Variants in SGCZ observed in about 807,000 individuals in gnomAD.
SGCZ encodes the protein sarcoglycan zeta.
In SGCZ, 40 loss-of-function variants were observed where a neutral mutation model predicts 41.3. That is an observed-to-expected ratio of 0.97 (90% CI 0.75 to 1.26). SGCZ has a LOEUF of 1.26. Among genes scored for constraint, SGCZ ranks in the 50% most tolerant of loss-of-function variants. The pLI, the probability that SGCZ is intolerant of heterozygous loss-of-function variation, is 0.00. For synonymous variants in SGCZ, 206 were observed against 137.5 expected (o/e 1.50, Z -3.49); for missense variants, 552 against 369.8 (o/e 1.49, Z -4.04).
At chr8:14,927,140 G>A (rs1172875668) in intron 1 of SGCZ, among the ~76,000 whole-genome samples, 7 of 114,648 alleles carry the variant, frequency 6.1e-5, no homozygotes, top group Admixed American at 2.6e-4. Flanking sequence ...GCAGAGTCTC[G>A]CTCTGTCACC....
chr8:14,402,846 G>A (rs1410652425), intron 2 of SGCZ, among the ~76,000 whole-genome samples: 3 of 149,492 alleles, frequency 2.0e-5, no homozygotes, highest in African/African-American at 7.7e-5. Flanking sequence ...GTAGCTTGAT[G>A]GGGATGGCAT....
At chr8:15,153,667 C>T (rs1312188522) in intron 1 of SGCZ, among the ~76,000 whole-genome samples, 2 of 152,060 alleles carry the variant, frequency 1.3e-5, no homozygotes, top group Non-Finnish European at 2.9e-5. Context: ...TTTCCCCCCA[C>T]CCTCTCTCTC....
At chr8:14,235,682 G>A (rs1368602329) in intron 4 of SGCZ, among the ~76,000 whole-genome samples, 4 of 152,052 alleles carry the variant, frequency 2.6e-5, no homozygotes, top group African/African-American at 9.7e-5. Flanking sequence ...TATTCTTGGT[G>A]CACTTAATTT....
intron 1 of SGCZ, among the ~76,000 whole-genome samples, chr8:14,612,478 A>G (rs1395747652): frequency 2.0e-5 from 3 of 152,170 alleles, no homozygotes; most frequent in African/African-American, 7.2e-5. Flanking sequence ...TAACTTACCC[A>G]GACTCAGGGA....
intron 1 of SGCZ, among the ~76,000 whole-genome samples, chr8:15,087,552 C>G (rs879247788): frequency 6.6e-6 from 1 of 151,990 alleles, no homozygotes; most frequent in East Asian, 1.9e-4. Flanking sequence ...AAAGCATTTG[C>G]GGATAAAGTT....
intron 2 of SGCZ, among the ~76,000 whole-genome samples, chr8:14,516,712 C>T (rs1428809870): frequency 1.3e-5 from 2 of 151,972 alleles, no homozygotes; most frequent in African/African-American, 2.4e-5. Context: ...TCTTGTTCAC[C>T]GTTGACATGC....
intron 5 of SGCZ, among the ~76,000 whole-genome samples, chr8:14,147,896 G>C (rs746042233): frequency 1.3e-5 from 2 of 151,898 alleles, no homozygotes; most frequent in African/African-American, 4.8e-5. Flanking sequence ...TTAATAATAA[G>C]AGGAATTTTG....
chr8:14,515,463 C>T (rs1362934043), intron 2 of SGCZ, among the ~76,000 whole-genome samples: 1 of 152,040 alleles, frequency 6.6e-6, no homozygotes, highest in Non-Finnish European at 1.5e-5. Context: ...TCTAACATAA[C>T]ACTATATCTT....
chr8:14,873,599 T>A (rs1029956401), intron 1 of SGCZ, among the ~76,000 whole-genome samples: 6 of 152,110 alleles, frequency 3.9e-5, no homozygotes, highest in African/African-American at 1.4e-4. Context: ...TGTTCATGGA[T>A]GGACTTAACT....
chr8:14,666,359 T>C (rs1807910627), intron 1 of SGCZ, among the ~76,000 whole-genome samples: 1 of 152,178 alleles, frequency 6.6e-6, no homozygotes, highest in Non-Finnish European at 1.5e-5. Flanking sequence ...ACATGCAAGG[T>C]CTTTAAAAAT....
intron 2 of SGCZ, among the ~76,000 whole-genome samples, chr8:14,387,259 C>A (rs1197947859): frequency 6.6e-6 from 1 of 152,106 alleles, no homozygotes; most frequent in African/African-American, 2.4e-5. Context: ...GCTCTGTTGC[C>A]CAGACTGGCC....
intron 3 of SGCZ, among the ~76,000 whole-genome samples, chr8:14,246,245 C>T (rs1331210496): frequency 6.6e-6 from 1 of 152,142 alleles, no homozygotes; most frequent in African/African-American, 2.4e-5. Flanking sequence ...GGCACATAGA[C>T]ACCATGGAAT....
At chr8:15,227,672 G>A (rs1158247311) in intron 1 of SGCZ, among the ~76,000 whole-genome samples, 1 of 152,126 alleles carries the variant, frequency 6.6e-6, no homozygotes, top group Non-Finnish European at 1.5e-5. Context: ...TTCGTACTGT[G>A]ACACTGTTCG....
chr8:14,617,753 A>G (rs1434233931), intron 1 of SGCZ, among the ~76,000 whole-genome samples: 1 of 152,126 alleles, frequency 6.6e-6, no homozygotes. Flanking sequence ...ATGGAAATAA[A>G]GTAGGGTGGG....
chr8:14,211,780 C>A (rs891724956), intron 4 of SGCZ, among the ~76,000 whole-genome samples: 1 of 152,180 alleles, frequency 6.6e-6, no homozygotes, highest in African/African-American at 2.4e-5. Flanking sequence ...TCACCTCCCA[C>A]CAGGCCCCTT....
intron 1 of SGCZ, among the ~76,000 whole-genome samples, chr8:14,790,926 G>C (rs780385918): frequency 6.6e-6 from 1 of 151,732 alleles, no homozygotes; most frequent in Non-Finnish European, 1.5e-5. Context: ...ACCCACTCGA[G>C]TGGTTAAGGC....
intron 1 of SGCZ, among the ~76,000 whole-genome samples, chr8:14,657,897 G>A (rs1163612061): frequency 2.6e-5 from 4 of 151,970 alleles, no homozygotes; most frequent in Non-Finnish European, 5.9e-5. Context: ...ATAAGAATCA[G>A]GCTTTGGATT....
chr8:14,479,742 T>TTTC (rs1801475565), intron 2 of SGCZ, among the ~76,000 whole-genome samples: 1 of 22,336 alleles, frequency 4.5e-5, no homozygotes, highest in African/African-American at 1.1e-4. Context: ...TTTTTTTTTT[T>TTTC]TTTTTTTTTT....
chr8:14,341,336 C>T (rs866852037), intron 2 of SGCZ, among the ~76,000 whole-genome samples: 44 of 152,258 alleles, frequency 2.9e-4, no homozygotes, highest in Middle Eastern at 3.4e-3. Flanking sequence ...CAATATTTTG[C>T]GTAATTGTGT....
Sources: allele counts gnomAD v4.1 joint callset (sites outside exome capture counted in the v4.1 genomes callset), GRCh38; gene constraint gnomAD v4.1.1; transcripts MANE v1.5; gene names NCBI Gene and HGNC (gene_info 2026-07-23, HGNC 2026-07-21).